CSMD1: variants seen among roughly 807,000 people sequenced by gnomAD.
The protein encoded by CSMD1 is CUB and sushi domain-containing protein 1.
In CSMD1, 213 loss-of-function variants were observed where a neutral mutation model predicts 417.5. That is an observed-to-expected ratio of 0.51 (90% confidence interval 0.46 to 0.57). The LOEUF is 0.57. Among genes scored for constraint, CSMD1 ranks in the 20% least tolerant of loss-of-function variants. CSMD1 has a pLI of 0.00. For missense variants in CSMD1, 6,923 were observed against 4,529.7 expected, an observed-to-expected ratio of 1.53 and a Z score of -15.17; for synonymous variants, 2,862 against 1,736.8, an observed-to-expected ratio of 1.65 and a Z score of -16.11.
At chr8:3,705,875 C>T (rs73658214) in intron 7 of CSMD1, among the ~76,000 whole-genome samples, 2,831 of 152,258 alleles carry the variant, frequency 0.019, 80 homozygotes, top group African/African-American at 0.065. Flanking sequence ...CCACTGAAGG[C>T]ACCAGCACTT....
At chr8:3,946,088 G>A (rs568929688) in intron 5 of CSMD1, among the ~76,000 whole-genome samples, 61 of 152,168 alleles carry the variant, frequency 4.0e-4, no homozygotes, top group Non-Finnish European at 7.4e-4. Context: ...GGTGATCTGT[G>A]GAGGACTTTA....
intron 50 of CSMD1, among the ~76,000 whole-genome samples, chr8:3,032,993 G>T (rs192957913): frequency 3.9e-5 from 6 of 152,048 alleles, no homozygotes; most frequent in Non-Finnish European, 5.9e-5. Context: ...AAGTCCAAGA[G>T]AATAATACCA....
At chr8:4,551,519 T>C (rs1450882438) in intron 2 of CSMD1, among the ~76,000 whole-genome samples, 1 of 152,198 alleles carries the variant, frequency 6.6e-6, no homozygotes, top group African/African-American at 2.4e-5. Flanking sequence ...GAATGCTACC[T>C]GCCCAACCAT....
intron 3 of CSMD1, among the ~76,000 whole-genome samples, chr8:4,283,998 C>A (rs778553974): frequency 1.3e-5 from 2 of 151,908 alleles, no homozygotes; most frequent in African/African-American, 2.4e-5. Context: ...TTTGGGAGGC[C>A]GAGGAAGGTG....
intron 5 of CSMD1, among the ~76,000 whole-genome samples, chr8:3,889,807 T>C (rs1377102098): frequency 6.6e-6 from 1 of 152,082 alleles, no homozygotes; most frequent in African/African-American, 2.4e-5. Context: ...ACTCTTCTGT[T>C]GCAAATTCTT....
In CSMD1 at chr8:4,100,336, G is replaced by A. The variant is rs116431278; in HGVS notation, c.416-68237C>T. Among the ~76,000 whole-genome samples the A allele has an allele frequency of 5.2e-3, 791 of 152,152 alleles. 6 individuals carry two copies. Among genetic ancestry groups the A allele is most frequent in the African/African-American group, 0.018 (756 of 41,508 alleles). ...GAAACCTTCACCAAATGAATGCCTC[G>A]TGACTTCTAGATTCTGGCAGCATTC... On this transcript the variant is annotated intron_variant, in intron 3 of 69. Transcript: ENST00000635120.
chr8:3,804,053 A>G lies in CSMD1; in HGVS notation c.819-50011T>C, dbSNP rs529001128. ...AGCGATTCTTCTTCCTCAGCCTCTG[A>G]GTAGCTGCGATTACAGACGTGCACC... On this transcript the variant is annotated intron_variant, in intron 5 of 69. Transcript: ENST00000635120. Among the ~76,000 whole-genome samples, 3 of 152,148 alleles carry G rather than the reference A, an allele frequency of 2.0e-5. No homozygotes were observed. The East Asian group carries it at 5.8e-4, about 29-fold the overall frequency.
intron 12 of CSMD1, among the ~76,000 whole-genome samples, chr8:3,431,269 G>A (rs1308080287): frequency 2.0e-5 from 3 of 152,090 alleles, no homozygotes; most frequent in Non-Finnish European, 2.9e-5. Flanking sequence ...CCCATGTGCA[G>A]ATGTCACACC....
At chr8:3,194,166 G>A (rs1486452667) in intron 33 of CSMD1, among the ~76,000 whole-genome samples, 2 of 152,132 alleles carry the variant, frequency 1.3e-5, no homozygotes, top group Non-Finnish European at 2.9e-5. Context: ...CAAAGAATAT[G>A]CTTTTTATAG....
rs148239048 is a variant in CSMD1, at chr8:4,763,216, T to C, written c.86-125658A>G. Among the ~76,000 whole-genome samples, 371 of 152,344 alleles carry C rather than the reference T, an allele frequency of 2.4e-3. 3 individuals are homozygous for C. Among genetic ancestry groups the C allele is most frequent in the African/African-American group, 8.7e-3 (360 of 41,582 alleles). On this transcript the variant is annotated intron_variant, in intron 1 of 69. Transcript: ENST00000635120. Reference sequence around the variant, plus strand: ...GGTAGAATTGACTTCAAAACTGTTATTCCGTGTTTTCTTTCTGAAAACTCT... The same window carrying C: ...GGTAGAATTGACTTCAAAACTGTTACTCCGTGTTTTCTTTCTGAAAACTCT...
chr8:3,638,954 C>T (rs1797176762), intron 7 of CSMD1, among the ~76,000 whole-genome samples: 1 of 152,166 alleles, frequency 6.6e-6, no homozygotes, highest in Non-Finnish European at 1.5e-5. Flanking sequence ...TATGGGAATT[C>T]AGAAATTATT....
intron 1 of CSMD1, among the ~76,000 whole-genome samples, chr8:4,806,445 C>T (rs1392202412): frequency 1.4e-5 from 2 of 142,792 alleles, no homozygotes; most frequent in African/African-American, 5.3e-5. Context: ...GTGCCATCAA[C>T]ACCCTGCCTG....
At chr8:3,356,756 G>A (rs919985906) in intron 21 of CSMD1, among the ~76,000 whole-genome samples, 4 of 152,218 alleles carry the variant, frequency 2.6e-5, no homozygotes, top group African/African-American at 9.6e-5. Context: ...AAGAGCCCTG[G>A]TGCTCTGTGG....
At chr8:3,727,375 G>A (rs960978055) in intron 6 of CSMD1, among the ~76,000 whole-genome samples, 2 of 152,174 alleles carry the variant, frequency 1.3e-5, no homozygotes, top group African/African-American at 4.8e-5. Flanking sequence ...CCAGAGAGCT[G>A]GCAGCCCCGC....
At chr8:3,685,506 C>A (rs905903658) in intron 7 of CSMD1, among the ~76,000 whole-genome samples, 1 of 152,080 alleles carries the variant, frequency 6.6e-6, no homozygotes, top group Non-Finnish European at 1.5e-5. Context: ...AATCCACCTC[C>A]CTGACCTACT....
chr8:3,798,125 C>G (rs1042899487), intron 5 of CSMD1, among the ~76,000 whole-genome samples: 1 of 151,816 alleles, frequency 6.6e-6, no homozygotes, highest in Non-Finnish European at 1.5e-5. Flanking sequence ...TAGAGGAATT[C>G]AGTATATAAA....
intron 40 of CSMD1, among the ~76,000 whole-genome samples, chr8:3,143,768 A>G (rs1022207060): frequency 1.3e-5 from 2 of 152,212 alleles, no homozygotes; most frequent in East Asian, 3.8e-4. Flanking sequence ...AAATTTTTGC[A>G]TCTAATATAT....
At chr8:3,705,627 G>C (rs1289519725) in intron 7 of CSMD1, among the ~76,000 whole-genome samples, 3 of 152,224 alleles carry the variant, frequency 2.0e-5, no homozygotes, top group East Asian at 1.9e-4. Flanking sequence ...TGTGGAACAA[G>C]AGCTAACAGT....
chr8:4,309,328 T>G (rs1459756811), intron 3 of CSMD1, among the ~76,000 whole-genome samples: 1 of 152,272 alleles, frequency 6.6e-6, no homozygotes. Flanking sequence ...TTTTATAAAA[T>G]GAGATGAGAA....
Sources: allele counts gnomAD v4.1 joint callset (sites outside exome capture counted in the v4.1 genomes callset), GRCh38; gene constraint gnomAD v4.1.1; transcripts MANE v1.5; gene names NCBI Gene and HGNC (gene_info 2026-07-23, HGNC 2026-07-21).